Variants in ST18 observed in about 807,000 individuals in gnomAD.
The protein encoded by ST18 is ST18 C2H2C-type zinc finger transcription factor, also known as suppression of tumorigenicity 18 protein.
A neutral mutation model predicts 110.0 loss-of-function variants in ST18; 50 were observed. That is an observed-to-expected ratio of 0.45 (90% CI 0.36 to 0.58). The LOEUF is 0.58. Ranked by LOEUF, ST18 falls within the 20% of genes least tolerant of loss-of-function variation. ST18 has a pLI of 0.00. For missense variants in ST18, 1,306 were observed against 1,280.1 expected (o/e 1.02, Z -0.31); for synonymous variants, 461 against 452.4 (o/e 1.02, Z -0.24).
chr8:52,157,403 T>C (rs2060306479), intron 15 of ST18, among the ~76,000 whole-genome samples: 1 of 152,106 alleles, frequency 6.6e-6, no homozygotes, highest in African/African-American at 2.4e-5. Context: ...TGTATTCTCA[T>C]AGGACAGCCT....
At chr8:52,284,500 G>A (rs2095436498) in intron 2 of ST18, among the ~76,000 whole-genome samples, 1 of 152,162 alleles carries the variant, frequency 6.6e-6, no homozygotes, top group African/African-American at 2.4e-5. Context: ...CACAGGGAGT[G>A]GCTGTGCAGG....
intron 2 of ST18, among the ~76,000 whole-genome samples, chr8:52,271,386 G>A (rs963692116): frequency 2.0e-5 from 3 of 152,252 alleles, no homozygotes; most frequent in Middle Eastern, 3.4e-3. Context: ...GTGTTGAATA[G>A]CTTTCAAATC....
Position 52,240,070 on chromosome 8 carries a change from A to C in ST18, c.-464-9993T>G, listed in dbSNP as rs187013855. On this transcript the variant is annotated intron_variant, in intron 2 of 25. Coordinates refer to ENST00000689386, the MANE Select transcript of ST18 (RefSeq NM_001352837.2). ...CGGCCTCCCAAAGTGCTATAATTAC[A>C]GGCATGAGCCACCAAGCCCAGCCTC... Among the ~76,000 whole-genome samples, 244 of 152,302 alleles carry C rather than the reference A, an allele frequency of 1.6e-3. 2 individuals are homozygous for C. The highest frequency in any genetic ancestry group is 5.4e-3 in the African/African-American group (226 of 41,566).
At position 52,113,273 on chromosome 8, in the gene ST18, C is replaced by T; in HGVS notation, c.3069G>A (p.Leu1023=). Residue 1023 remains leucine (L), a synonymous_variant, in exon 26 of 26, where the codon CTG becomes CTA. Coordinates refer to ENST00000689386, the MANE Select transcript of ST18 (RefSeq NM_001352837.2). The part of the protein sequence containing the change: ...VNTLTDMYSN[L]ERDYSPECKA... ...TGCATTCCGGGGAATAGTCCCGTTC[C>T]AGATTGCTGTACATATCTGTGAGTG... 1 of 1,614,062 alleles carries T rather than the reference C, an allele frequency of 6.2e-7. No homozygotes were observed. Among genetic ancestry groups the T allele is most frequent in the Non-Finnish European group, 8.5e-7 (1 of 1,179,952 alleles).
chr8:52,348,600 T>C (rs1286140840), intron 2 of ST18, among the ~76,000 whole-genome samples: 1 of 151,976 alleles, frequency 6.6e-6, no homozygotes, highest in Non-Finnish European at 1.5e-5. Flanking sequence ...CAAAATTATC[T>C]AGGCATGGTG....
At chr8:52,404,557 A>C (rs1843804736) in intron 2 of ST18, 1 of 152,268 alleles carries the variant, frequency 6.6e-6, no homozygotes, top group Non-Finnish European at 1.5e-5. Context: ...CCAAACACCC[A>C]GCACTGTTTT....
rs542339520 is a variant in ST18, at chr8:52,375,803, C to T, written c.-465+33525G>A. Among the ~76,000 whole-genome samples, 11 of 152,240 alleles carry T rather than the reference C, an allele frequency of 7.2e-5. No homozygotes were observed. The East Asian group carries it at 1.4e-3, about 19-fold the overall frequency. ...GTCTTGCACGCACATTAAATCAACACACCCGGACTGAGCCGCAGGTCTTCA... is the reference window on the plus strand; with the variant it reads ...GTCTTGCACGCACATTAAATCAACATACCCGGACTGAGCCGCAGGTCTTCA... On this transcript the variant is annotated intron_variant, in intron 2 of 25. Coordinates refer to ENST00000689386, the MANE Select transcript of ST18 (RefSeq NM_001352837.2).
At chr8:52,124,619 G>A (rs2046260047) in intron 23 of ST18, among the ~76,000 whole-genome samples, 1 of 152,140 alleles carries the variant, frequency 6.6e-6, no homozygotes, top group African/African-American at 2.4e-5. Flanking sequence ...GGTATTTAGG[G>A]AATGGGCAGT....
intron 2 of ST18, among the ~76,000 whole-genome samples, chr8:52,270,384 T>C (rs1311117904): frequency 2.6e-5 from 4 of 152,162 alleles, no homozygotes; most frequent in African/African-American, 9.7e-5. Flanking sequence ...AACAATGCTG[T>C]GATGGGCATC....
In ST18 at chr8:52,133,085, T is replaced by A; in HGVS notation, c.2416A>T (p.Lys806Ter). 1 of 1,614,172 alleles carries A rather than the reference T, an allele frequency of 6.2e-7. No homozygotes were observed. The change falls in exon 21 of 26, where the codon AAG becomes TAG. Residue 806 changes from lysine to a stop codon, truncating the protein, a stop_gained. Transcript: ENST00000689386. LOFTEE classifies it high-confidence loss of function. ...AGTTCAGGGTCTTCTTTTTCTTCCT[T>A]GGTAGGGGTCATTTTGACACCACCT... ...RKGGVKMTPTKEEKEDPELKC... is the reference protein window; with the variant it reads ...RKGGVKMTPT
intron 23 of ST18, among the ~76,000 whole-genome samples, chr8:52,122,421 A>G (rs1166252203): frequency 6.6e-6 from 1 of 152,024 alleles, no homozygotes; most frequent in Non-Finnish European, 1.5e-5. Flanking sequence ...CAAATGAAGC[A>G]ATTCTATTAT....
intron 2 of ST18, among the ~76,000 whole-genome samples, chr8:52,255,203 A>C (rs1271113154): frequency 6.6e-6 from 1 of 152,028 alleles, no homozygotes; most frequent in African/African-American, 2.4e-5. Context: ...GGAGTGCTCT[A>C]TTTCCATGAC....
chr8:52,158,312 C>T (rs369222475), intron 15 of ST18, among the ~76,000 whole-genome samples: 1 of 152,156 alleles, frequency 6.6e-6, no homozygotes, highest in Non-Finnish European at 1.5e-5. Flanking sequence ...TATTTGAATG[C>T]CCTGAGGTCT....
At chr8:52,135,877 G>A (rs2052009767) in intron 19 of ST18, among the ~76,000 whole-genome samples, 1 of 152,070 alleles carries the variant, frequency 6.6e-6, no homozygotes, top group Admixed American at 6.6e-5. Flanking sequence ...AGTAGATGTA[G>A]TAATACTCAT....
chr8:52,285,285 C>A (rs988261619), intron 2 of ST18, among the ~76,000 whole-genome samples: 1 of 152,188 alleles, frequency 6.6e-6, no homozygotes, highest in African/African-American at 2.4e-5. Context: ...TCCCCTTACA[C>A]AGTCTGATTT....
chr8:52,358,126 C>T (rs1824023344), intron 2 of ST18, among the ~76,000 whole-genome samples: 2 of 151,858 alleles, frequency 1.3e-5, no homozygotes, highest in South Asian at 4.2e-4. Context: ...GAAGAAATTA[C>T]AAGTAAAGTT....
At chr8:52,299,130 G>A (rs112133810) in intron 2 of ST18, among the ~76,000 whole-genome samples, 2,562 of 152,012 alleles carry the variant, frequency 0.017, 65 homozygotes, top group African/African-American at 0.059. Flanking sequence ...TCCCTCTAGG[G>A]CTCAGATTTA....
chr8:52,380,925 C>T (rs1486189947), intron 2 of ST18, among the ~76,000 whole-genome samples: 2 of 152,076 alleles, frequency 1.3e-5, no homozygotes, highest in Non-Finnish European at 2.9e-5. Flanking sequence ...AGGGGTGGGG[C>T]GTTAGGGTTC....
chr8:52,397,888 T>C (rs1841709959), intron 2 of ST18, among the ~76,000 whole-genome samples: 1 of 152,156 alleles, frequency 6.6e-6, no homozygotes, highest in South Asian at 2.1e-4. Context: ...GTGTGATGTC[T>C]CTAATTTTGT....
Sources: allele counts gnomAD v4.1 joint callset (sites outside exome capture counted in the v4.1 genomes callset), GRCh38; gene constraint gnomAD v4.1.1; transcripts MANE v1.5; gene names NCBI Gene and HGNC (gene_info 2026-07-23, HGNC 2026-07-21).